TBC1D5: variants seen among roughly 807,000 people sequenced by gnomAD.
TBC1D5 encodes TBC1 domain family, member 5.
Under a neutral mutation model 100.3 loss-of-function variants are expected in TBC1D5, and 75 were observed. The ratio of observed to expected loss-of-function variants is 0.75; its 90% CI spans 0.62 to 0.91. TBC1D5 has a LOEUF of 0.91. Ranked by LOEUF, TBC1D5 falls within the 40% of genes least tolerant of loss-of-function variation. The pLI is 0.00. For missense variants in TBC1D5, 910 were observed against 942.4 expected, an observed-to-expected ratio of 0.97 and a Z score of 0.45; for synonymous variants, 323 against 325.6, an observed-to-expected ratio of 0.99 and a Z score of 0.09.
chr3:17,320,481 G>A (rs1413784947), intron 13 of TBC1D5, among the ~76,000 whole-genome samples: 1 of 152,186 alleles, frequency 6.6e-6, no homozygotes. Context: ...TTGGGATGCT[G>A]CCAAGAACCA....
At chr3:17,548,739 T>G (rs1201425480) in intron 2 of TBC1D5, among the ~76,000 whole-genome samples, 4 of 152,134 alleles carry the variant, frequency 2.6e-5, no homozygotes, top group Non-Finnish European at 5.9e-5. Context: ...AAATTATTAT[T>G]ATAACAATAA....
intron 1 of TBC1D5, among the ~76,000 whole-genome samples, chr3:17,628,037 GA>G (rs551723291): frequency 6.6e-6 from 1 of 151,424 alleles, no homozygotes; most frequent in Non-Finnish European, 1.5e-5. Flanking sequence ...ATTACAATGA[GA>G]AAAAAAATCT....
chr3:17,668,318 A>G (rs1034467962), intron 1 of TBC1D5, among the ~76,000 whole-genome samples: 2 of 151,866 alleles, frequency 1.3e-5, no homozygotes, highest in African/African-American at 4.8e-5. Flanking sequence ...AAACATTTCC[A>G]TAACTTAATA....
chr3:17,463,539 C>T (rs1396926273), intron 3 of TBC1D5, among the ~76,000 whole-genome samples: 1 of 152,148 alleles, frequency 6.6e-6, no homozygotes, highest in Admixed American at 6.5e-5. Flanking sequence ...TTGGGCATAC[C>T]ATTTAAGGGG....
chr3:17,613,809 G>A (rs532226529), intron 2 of TBC1D5, among the ~76,000 whole-genome samples: 1 of 152,322 alleles, frequency 6.6e-6, no homozygotes, highest in East Asian at 1.9e-4. Context: ...TGGGTGGAGT[G>A]TAAAAATTTT....
intron 21 of TBC1D5, among the ~76,000 whole-genome samples, chr3:17,163,585 C>T (rs1190777928): frequency 6.6e-6 from 1 of 152,196 alleles, no homozygotes; most frequent in African/African-American, 2.4e-5. Context: ...ATCATCACAA[C>T]ACATATCCCT....
intron 15 of TBC1D5, among the ~76,000 whole-genome samples, chr3:17,284,322 T>G (rs1575123936): frequency 6.6e-6 from 1 of 152,144 alleles, no homozygotes. Context: ...TTTGCCACGT[T>G]GGCCAGGCTT....
At chr3:17,671,369 A>G (rs2067917049) in intron 1 of TBC1D5, among the ~76,000 whole-genome samples, 1 of 152,126 alleles carries the variant, frequency 6.6e-6, no homozygotes, top group Non-Finnish European at 1.5e-5. Flanking sequence ...TGGACAGCAA[A>G]CCAAAAAGGC....
intron 1 of TBC1D5, among the ~76,000 whole-genome samples, chr3:17,726,562 T>C (rs1271629081): frequency 6.6e-6 from 1 of 152,384 alleles, no homozygotes; most frequent in East Asian, 1.9e-4. Flanking sequence ...ATGGGATTGT[T>C]TGTTTTTTGC....
At chr3:17,567,309 TCA>T (rs1234383542) in intron 2 of TBC1D5, among the ~76,000 whole-genome samples, 36 of 151,734 alleles carry the variant, frequency 2.4e-4, no homozygotes, top group Non-Finnish European at 4.6e-4. Flanking sequence ...AGCAGACCAC[TCA>T]CTAATAAAGT....
At chr3:17,476,205 TA>T (rs2095436071) in intron 3 of TBC1D5, among the ~76,000 whole-genome samples, 1 of 151,828 alleles carries the variant, frequency 6.6e-6, no homozygotes, top group East Asian at 1.9e-4. Context: ...AATTTAATTC[TA>T]TATATATATT....
chr3:17,601,535 C>T (rs1005434308), intron 2 of TBC1D5, among the ~76,000 whole-genome samples: 14 of 152,104 alleles, frequency 9.2e-5, no homozygotes, highest in Admixed American at 3.3e-4. Flanking sequence ...CAGAAGACTA[C>T]CAATATTTAA....
chr3:17,435,298 T>C (rs1389973824), intron 3 of TBC1D5, among the ~76,000 whole-genome samples: 1 of 152,194 alleles, frequency 6.6e-6, no homozygotes, highest in Non-Finnish European at 1.5e-5. Flanking sequence ...CACGCCAATC[T>C]CTGTGGTACC....
At chr3:17,667,656 T>C (rs2067423115) in intron 1 of TBC1D5, among the ~76,000 whole-genome samples, 1 of 152,032 alleles carries the variant, frequency 6.6e-6, no homozygotes, top group Non-Finnish European at 1.5e-5. Context: ...TTCGCCATGT[T>C]GCCCAGGCTG....
intron 8 of TBC1D5, among the ~76,000 whole-genome samples, chr3:17,401,326 AATATACATATAT>A (rs2093640783): frequency 8.4e-5 from 1 of 11,952 alleles, no homozygotes; most frequent in Admixed American, 1.0e-3. Context: ...GTATGTGTAT[AATATACATATAT>A]GTATAATATA....
At chr3:17,535,377 G>A (rs2096271931) in intron 2 of TBC1D5, among the ~76,000 whole-genome samples, 1 of 152,170 alleles carries the variant, frequency 6.6e-6, no homozygotes. Flanking sequence ...CCCTGGCACA[G>A]CTTGATGCTT....
chr3:17,471,627 C>T (rs1428368707), intron 3 of TBC1D5, among the ~76,000 whole-genome samples: 4 of 120,544 alleles, frequency 3.3e-5, no homozygotes, highest in South Asian at 2.5e-4. Flanking sequence ...GCCGAGATTG[C>T]GCCACTGCAC....
intron 19 of TBC1D5, among the ~76,000 whole-genome samples, chr3:17,178,773 G>A (rs1313264847): frequency 6.6e-6 from 1 of 151,932 alleles, no homozygotes; most frequent in Non-Finnish European, 1.5e-5. Context: ...CTGAGTAGAT[G>A]GGACTACAGA....
chr3:17,470,552 A>G (rs570281526), intron 3 of TBC1D5, among the ~76,000 whole-genome samples: 2 of 152,334 alleles, frequency 1.3e-5, no homozygotes, highest in Non-Finnish European at 2.9e-5. Flanking sequence ...TAATGGAGTG[A>G]CTTAAATGAT....
Sources: allele counts gnomAD v4.1 joint callset (sites outside exome capture counted in the v4.1 genomes callset), GRCh38; gene constraint gnomAD v4.1.1; transcripts MANE v1.5; gene names NCBI Gene and HGNC (gene_info 2026-07-23, HGNC 2026-07-21).